The following ARHGAP8 variants were observed in gnomAD, a reference collection of about 807,000 sequenced individuals.
ARHGAP8 encodes Rho GTPase activating protein 8, also known as rho GTPase-activating protein 8.
A neutral mutation model predicts 46.1 loss-of-function variants in ARHGAP8; 62 were observed. The ratio of observed to expected loss-of-function variants is 1.34; its 90% CI spans 1.10 to 1.66. The LOEUF is 1.66. ARHGAP8 is among the 40% of genes most tolerant of loss of function. The pLI is 0.00. For synonymous variants in ARHGAP8, 375 were observed against 243.1 expected (o/e 1.54, Z -5.05); for missense variants, 923 against 568.4 (o/e 1.62, Z -6.34).
chr22:44,830,700 CTA>C (rs1930886808), intron 7 of ARHGAP8, among the ~76,000 whole-genome samples: 1 of 151,816 alleles, frequency 6.6e-6, no homozygotes, highest in African/African-American at 2.4e-5. Flanking sequence ...CCATGCCCAA[CTA>C]ATTTTTTTGT....
Position 44,862,699 on chromosome 22 carries a change from A to G in ARHGAP8, c.*104A>G, listed in dbSNP as rs2070561938. The G allele has an allele frequency of 1.5e-6, 2 of 1,357,830 alleles. No homozygotes were observed. The highest frequency in any genetic ancestry group is 2.0e-6 in the Non-Finnish European group (2 of 1,024,268). The allele number at this position is 1,357,830 out of a possible 1,614,324, so 84.1% of individuals were successfully genotyped here. A position where few individuals can be genotyped will look rare whatever the true frequency, so the allele number is the denominator to read the frequency against. On this transcript the variant is annotated 3_prime_UTR_variant, in exon 12 of 12. Coordinates refer to ENST00000356099, the MANE Select transcript of ARHGAP8 (RefSeq NM_181335.3). ...GTAAAAATAACCAGCCATTAGATGA[A>G]TTCAGAACCTTCTAATGAAAACTCC...
Position 44,808,397 on chromosome 22 carries a change from C to T in ARHGAP8, c.258C>T (p.Ser86=), listed in dbSNP as rs1569155715. 1 of 1,614,106 alleles carries T rather than the reference C, an allele frequency of 6.2e-7. No individual in the cohort carries two copies. The highest frequency in any genetic ancestry group is 8.5e-7 in the Non-Finnish European group (1 of 1,180,058). Residue 86 remains serine, a synonymous_variant, in exon 4 of 12, where the codon TCC becomes TCT. Transcript: ENST00000356099. ...GGCTGAACAGCCGGAACAAGCCTTC[C>T]CTGGGCTGGCTCCAGAGCGCATACA... ...HYGLNSRNKP[S]LGWLQSAYKE... is the part of the protein sequence containing the mutation.
At chr22:44,772,352 CTTT>C (rs58041776) in intron 1 of ARHGAP8, among the ~76,000 whole-genome samples, 2 of 92,426 alleles carry the variant, frequency 2.2e-5, no homozygotes, top group Non-Finnish European at 4.1e-5. Flanking sequence ...TTTCTTTTTT[CTTT>C]TTTTTTTTTT....
chr22:44,775,051 C>T (rs1226125589), intron 1 of ARHGAP8, among the ~76,000 whole-genome samples: 2 of 152,142 alleles, frequency 1.3e-5, no homozygotes, highest in Non-Finnish European at 2.9e-5. Context: ...AGGCTGGTCT[C>T]GAACTCCTGA....
At chr22:44,778,865 C>G (rs1287179192) in intron 1 of ARHGAP8, among the ~76,000 whole-genome samples, 2 of 152,100 alleles carry the variant, frequency 1.3e-5, no homozygotes, top group Admixed American at 6.5e-5. Context: ...CTCTCTAACC[C>G]CACATTAAAA....
intron 5 of ARHGAP8, among the ~76,000 whole-genome samples, chr22:44,817,932 T>C (rs1023001905): frequency 6.6e-6 from 1 of 152,030 alleles, no homozygotes; most frequent in South Asian, 2.1e-4. Context: ...CTGGGTAACA[T>C]GGCGGAACCT....
chr22:44,808,213 C>G, intron 3 of ARHGAP8, 94 bp from the exon 4 acceptor site: 1 of 1,536,678 alleles, frequency 6.5e-7, no homozygotes, highest in Non-Finnish European at 8.8e-7. Flanking sequence ...CTGGCACCTA[C>G]TGGGTGACCA....
intron 5 of ARHGAP8, among the ~76,000 whole-genome samples, chr22:44,822,001 C>T (rs1930184439): frequency 6.6e-6 from 1 of 152,262 alleles, no homozygotes; most frequent in Non-Finnish European, 1.5e-5. Context: ...AACCTCAGAG[C>T]TGCTCTCTCT....
intron 7 of ARHGAP8, among the ~76,000 whole-genome samples, chr22:44,835,108 C>T (rs1211613712): frequency 6.6e-6 from 1 of 152,034 alleles, no homozygotes; most frequent in Non-Finnish European, 1.5e-5. Context: ...ACTGGAGTTA[C>T]ATCTGCCATT....
chr22:44,781,477 AT>A (rs1209624171), intron 1 of ARHGAP8, among the ~76,000 whole-genome samples: 7 of 151,694 alleles, frequency 4.6e-5, no homozygotes, highest in Non-Finnish European at 1.0e-4. Flanking sequence ...GTACTGTAGC[AT>A]TTTTTTCTTT....
chr22:44,840,187 C>T (rs1472809474), intron 7 of ARHGAP8, among the ~76,000 whole-genome samples: 1 of 152,226 alleles, frequency 6.6e-6, no homozygotes, highest in African/African-American at 2.4e-5. Flanking sequence ...TTCTGTTGAT[C>T]CACACAGGGT....
At chr22:44,778,051 G>A (rs919233769) in intron 1 of ARHGAP8, among the ~76,000 whole-genome samples, 1 of 149,802 alleles carries the variant, frequency 6.7e-6, no homozygotes, top group African/African-American at 2.5e-5. Flanking sequence ...TATTTCCATA[G>A]GTTATTGGGG....
intron 10 of ARHGAP8, among the ~76,000 whole-genome samples, chr22:44,857,907 TCCTG>T (rs200611638): frequency 0.021 from 2,834 of 133,688 alleles, 88 homozygotes; most frequent in African/African-American, 0.075. Context: ...AGCTCACCAG[TCCTG>T]CCTACTTGCC....
At chr22:44,859,648 CA>C in intron 10 of ARHGAP8, 82 bp from the exon 11 acceptor site, 3 of 1,467,546 alleles carry the variant, frequency 2.0e-6, no homozygotes, top group Admixed American at 3.6e-5. Context: ...GTCCTTCCTA[CA>C]CCCCTGTTCT....
chr22:44,785,551 A>G (rs1463910189), intron 1 of ARHGAP8, among the ~76,000 whole-genome samples: 1 of 152,084 alleles, frequency 6.6e-6, no homozygotes, highest in Non-Finnish European at 1.5e-5. Context: ...CCAGTTGACC[A>G]CATCTTAACT....
intron 7 of ARHGAP8, among the ~76,000 whole-genome samples, chr22:44,843,924 A>G (rs1931812113): frequency 6.6e-6 from 1 of 152,136 alleles, no homozygotes; most frequent in Admixed American, 6.6e-5. Context: ...AAATATGTAT[A>G]ATGTAAAACT....
intron 1 of ARHGAP8, among the ~76,000 whole-genome samples, chr22:44,753,612 T>TA (rs1924427971): frequency 6.0e-5 from 2 of 33,178 alleles, no homozygotes; most frequent in South Asian, 1.9e-3. Flanking sequence ...CTCAATCCTG[T>TA]GGGGGGTGGG....
At chr22:44,858,305 G>A (rs1336102647) in intron 10 of ARHGAP8, among the ~76,000 whole-genome samples, 1 of 151,128 alleles carries the variant, frequency 6.6e-6, no homozygotes, top group Admixed American at 6.5e-5. Flanking sequence ...GTGCACACAT[G>A]TGCATACATG....
At chr22:44,824,464 T>G (rs1015931595) in intron 6 of ARHGAP8, among the ~76,000 whole-genome samples, 1 of 152,122 alleles carries the variant, frequency 6.6e-6, no homozygotes, top group East Asian at 1.9e-4. Context: ...ACTGACTGCC[T>G]CACTCCCGAG....
Sources: gnomAD v4.1 joint callset for allele counts (sites outside exome capture counted in the v4.1 genomes callset) on GRCh38, gnomAD v4.1.1 for gene constraint, MANE v1.5 for transcripts, NCBI Gene and HGNC (gene_info 2026-07-23, HGNC 2026-07-21) for gene names.